GPM6A: variants seen among roughly 807,000 people sequenced by gnomAD.
GPM6A encodes neuronal membrane glycoprotein M6-a.
A neutral mutation model predicts 32.1 loss-of-function variants in GPM6A; 7 were observed. The ratio of observed to expected loss-of-function variants is 0.22; its 90% CI spans 0.12 to 0.41. GPM6A has a LOEUF of 0.41. Ranked by LOEUF, GPM6A falls within the 10% of genes least tolerant of loss-of-function variation. The pLI is 1.00. For missense variants in GPM6A, 235 were observed against 347.2 expected, an observed-to-expected ratio of 0.68 and a Z score of 2.57; for synonymous variants, 130 against 123.4, an observed-to-expected ratio of 1.05 and a Z score of -0.35.
chr4:175,792,457 T>A (rs1014344399), intron 1 of GPM6A, among the ~76,000 whole-genome samples: 1 of 152,038 alleles, frequency 6.6e-6, no homozygotes, highest in Non-Finnish European at 1.5e-5. Context: ...AACCCTATAT[T>A]TTTTTTACTG....
At chr4:175,725,033 G>T (rs895545361) in intron 1 of GPM6A, among the ~76,000 whole-genome samples, 18 of 152,110 alleles carry the variant, frequency 1.2e-4, no homozygotes, top group African/African-American at 4.1e-4. Flanking sequence ...TTGCCTTCAA[G>T]ATTTTGCTCA....
intron 2 of GPM6A, among the ~76,000 whole-genome samples, chr4:175,678,306 A>T (rs1331130267): frequency 1.3e-5 from 2 of 152,196 alleles, no homozygotes; most frequent in Admixed American, 6.5e-5. Flanking sequence ...CTATTTCTGC[A>T]GCCTTGATAC....
At chr4:175,790,247 G>A (rs1348815658) in intron 1 of GPM6A, 1 of 152,080 alleles carries the variant, frequency 6.6e-6, no homozygotes, top group African/African-American at 2.4e-5. Flanking sequence ...TTCTGAGCAT[G>A]TTTAATCGAC....
intron 1 of GPM6A, among the ~76,000 whole-genome samples, chr4:175,994,954 T>C (rs1408490078): frequency 6.6e-6 from 1 of 152,232 alleles, no homozygotes; most frequent in Middle Eastern, 3.2e-3. Flanking sequence ...AATTCCATTT[T>C]AAGGAACCAC....
chr4:175,933,572 TTTTG>T (rs139745122), intron 1 of GPM6A, among the ~76,000 whole-genome samples: 145,490 of 151,636 alleles, frequency 0.96, 70,091 homozygotes, highest in East Asian at 1. Context: ...TCTTAGAAGT[TTTTG>T]TTTGTTTGTT....
chr4:175,712,362 G>A lies in GPM6A; in HGVS notation c.38-10595C>T, dbSNP rs1470910935. Among the ~76,000 whole-genome samples, 3 of 152,188 alleles carry A rather than the reference G, an allele frequency of 2.0e-5. No individual in the cohort carries two copies. In the East Asian group the frequency reaches 5.8e-4, roughly 29 times the overall value. On this transcript the variant is annotated intron_variant, in intron 1 of 6. Coordinates refer to ENST00000393658, the MANE Select transcript of GPM6A (RefSeq NM_201591.3). The stretch of plus-strand genomic sequence containing the variant: ...GGCAGAGCCAGGAGGCCTGATGCTG[G>A]CTCGTGGTGCCCCCAGAGTGCTCCA...
At chr4:175,804,634 A>G (rs1734610216) in intron 1 of GPM6A, among the ~76,000 whole-genome samples, 1 of 152,246 alleles carries the variant, frequency 6.6e-6, no homozygotes, top group South Asian at 2.1e-4. Context: ...ATTAAATATT[A>G]GCTATTATTA....
intron 1 of GPM6A, among the ~76,000 whole-genome samples, chr4:175,724,402 G>A (rs936800065): frequency 5.9e-5 from 9 of 152,040 alleles, no homozygotes; most frequent in Non-Finnish European, 1.3e-4. Context: ...AAATTAGCCG[G>A]GCATGATGGT....
rs144844222 is a variant in GPM6A at position 175,989,725 on chromosome 4, G to C, written c.-23+12584C>G. 7.4e-4 allele frequency among the ~76,000 whole-genome samples: 112 copies of C among 152,086 alleles called. 1 individual carries two copies. Among genetic ancestry groups the C allele is most frequent in the African/African-American group, 2.6e-3 (106 of 41,486 alleles). On this transcript the variant is annotated intron_variant, in intron 1 of 7. Transcript: ENST00000280187. ...AATATGTTAAATTATTTCCTTTATA[G>C]TGAATCAGATCTCTTTAGGTCTTTG...
At chr4:175,673,321 A>G (rs1264228192) in intron 3 of GPM6A, among the ~76,000 whole-genome samples, 1 of 152,070 alleles carries the variant, frequency 6.6e-6, no homozygotes, top group African/African-American at 2.4e-5. Context: ...ATACAGAGAC[A>G]TATGTTTAAC....
At chr4:175,960,387 G>A (rs1740127553) in intron 1 of GPM6A, among the ~76,000 whole-genome samples, 1 of 152,124 alleles carries the variant, frequency 6.6e-6, no homozygotes, top group Admixed American at 6.5e-5. Context: ...CCCTGATGAA[G>A]TAAATAAGAA....
intron 1 of GPM6A, among the ~76,000 whole-genome samples, chr4:175,778,854 A>C (rs1181592505): frequency 6.6e-6 from 1 of 150,452 alleles, no homozygotes; most frequent in Middle Eastern, 3.3e-3. Flanking sequence ...CATATTATGT[A>C]ATTGTAATAT....
chr4:175,640,052 G>T, intron 6 of GPM6A, 77 bp downstream of exon 6: 4 of 1,135,150 alleles, frequency 3.5e-6, no homozygotes, highest in Non-Finnish European at 5.4e-6. Context: ...AAACTTTAGA[G>T]ATAGTTTATC....
intron 1 of GPM6A, among the ~76,000 whole-genome samples, chr4:175,963,535 C>A (rs1740234778): frequency 6.6e-6 from 1 of 151,422 alleles, no homozygotes; most frequent in South Asian, 2.1e-4. Flanking sequence ...AAAAACCCAC[C>A]CACCTAGAAA....
intron 6 of GPM6A, among the ~76,000 whole-genome samples, chr4:175,636,455 C>A (rs1740619423): frequency 6.6e-6 from 1 of 151,160 alleles, no homozygotes; most frequent in Admixed American, 6.6e-5. Context: ...TCTTCAAAAA[C>A]TTTTCATAAT....
At chr4:175,861,749 G>GAAAAA (rs10716525) in intron 1 of GPM6A, among the ~76,000 whole-genome samples, 8 of 87,226 alleles carry the variant, frequency 9.2e-5, no homozygotes, top group East Asian at 3.3e-4. Flanking sequence ...AAGAGACTCT[G>GAAAAA]AAAAAAAAAA....
intron 1 of GPM6A, among the ~76,000 whole-genome samples, chr4:175,868,670 G>A (rs1405544687): frequency 6.6e-6 from 1 of 152,072 alleles, no homozygotes; most frequent in Middle Eastern, 3.2e-3. Context: ...TTTGTTTCAT[G>A]CAGGAACATG....
At chr4:175,855,238 C>T (rs1012047739) in intron 1 of GPM6A, among the ~76,000 whole-genome samples, 1 of 152,056 alleles carries the variant, frequency 6.6e-6, no homozygotes, top group South Asian at 2.1e-4. Context: ...CCAAACAGAA[C>T]CAGATCTCAA....
In GPM6A at chr4:175,640,821, T is replaced by C; in HGVS notation, c.550A>G (p.Thr184Ala). The part of the protein sequence containing the change: ...CLDLRQFGIV[T>A]IGEEKKICTV... ...CAAATTTTCTTTTCCTCTCCAATTGTCACAATTCCTACAATGTGTGGGAAA... is the reference window on the plus strand; with the variant it reads ...CAAATTTTCTTTTCCTCTCCAATTGCCACAATTCCTACAATGTGTGGGAAA... The change falls in exon 5 of 7, where the codon ACA becomes GCA. Residue 184 changes from threonine to alanine, a missense_variant. Physicochemically the swap from Thr to Ala is moderately conservative, Grantham distance 58. This residue lies in a region of GPM6A where 107 missense variants were observed against 116.7 expected (regional missense o/e 0.92). Transcript: ENST00000393658. 1 of 1,595,208 alleles carries C rather than the reference T, an allele frequency of 6.3e-7. No individual in the cohort carries two copies. Among genetic ancestry groups the C allele is most frequent in the Non-Finnish European group, 8.6e-7 (1 of 1,163,338 alleles).
Sources: gnomAD v4.1 joint callset for allele counts (sites outside exome capture counted in the v4.1 genomes callset) on GRCh38, gnomAD v4.1.1 for gene constraint, gnomAD v4.1.1 regional missense constraint, MANE v1.5 for transcripts, NCBI Gene and HGNC (gene_info 2026-07-23, HGNC 2026-07-21) for gene names.